DEPDC5: variants seen among roughly 807,000 people sequenced by gnomAD.
DEPDC5 encodes DEP domain containing 5, GATOR1 subcomplex subunit.
A neutral mutation model predicts 217.3 loss-of-function variants in DEPDC5; 73 were observed. That is an observed-to-expected ratio of 0.34 (90% CI 0.28 to 0.41). DEPDC5 has a LOEUF of 0.41. DEPDC5 is among the 10% of genes least tolerant of loss of function. The pLI is 1.00. For missense variants in DEPDC5, 1,675 were observed against 2,070.1 expected (o/e 0.81, Z 3.70); for synonymous variants, 733 against 756.7 (o/e 0.97, Z 0.51).
At chr22:31,771,131 A>G (rs867457928) in intron 7 of DEPDC5, among the ~76,000 whole-genome samples, 48 of 152,150 alleles carry the variant, frequency 3.2e-4, no homozygotes, top group African/African-American at 1.1e-3. Flanking sequence ...GATTGTTGTA[A>G]GATGGTGATT....
intron 38 of DEPDC5, among the ~76,000 whole-genome samples, chr22:31,883,146 TA>T (rs1407990018): frequency 1.3e-5 from 2 of 152,136 alleles, no homozygotes; most frequent in African/African-American, 4.8e-5. Context: ...CCCAGTGTGA[TA>T]AAATGTCTCC....
intron 24 of DEPDC5, among the ~76,000 whole-genome samples, chr22:31,824,482 G>T (rs1308209046): frequency 3.3e-5 from 5 of 152,178 alleles, no homozygotes; most frequent in African/African-American, 1.2e-4. Context: ...AATCTGGGTT[G>T]GCAGTAAGAG....
At chr22:31,813,989 C>T (rs2088765370) in intron 20 of DEPDC5, 1 of 151,974 alleles carries the variant, frequency 6.6e-6, no homozygotes, top group Admixed American at 6.6e-5. Flanking sequence ...GAAAAAAGTA[C>T]CCAGGCGTGG....
intron 7 of DEPDC5, chr22:31,769,069 G>A (rs191198537): frequency 6.8e-5 from 28 of 411,634 alleles, no homozygotes; most frequent in African/African-American, 5.4e-4. Context: ...GACCATACTG[G>A]CTAACACGGT....
At chr22:31,828,484 G>T (rs1455068312) in intron 24 of DEPDC5, among the ~76,000 whole-genome samples, 3 of 150,344 alleles carry the variant, frequency 2.0e-5, no homozygotes, top group African/African-American at 7.3e-5. Context: ...ACAGTTCCTG[G>T]CACATAATAG....
At chr22:31,904,614 G>A (rs1411537578) in intron 41 of DEPDC5, among the ~76,000 whole-genome samples, 11 of 152,184 alleles carry the variant, frequency 7.2e-5, no homozygotes, top group South Asian at 6.2e-4. Context: ...ATGGTGGCGC[G>A]TGCCTGTAAT....
chr22:31,789,188 C>T (rs1236875965), intron 10 of DEPDC5, among the ~76,000 whole-genome samples: 4 of 152,246 alleles, frequency 2.6e-5, no homozygotes, highest in African/African-American at 9.6e-5. Flanking sequence ...AGCCCGTATT[C>T]TTGACAGCAT....
At chr22:31,881,341 G>T (rs938715328) in intron 38 of DEPDC5, among the ~76,000 whole-genome samples, 7 of 152,028 alleles carry the variant, frequency 4.6e-5, no homozygotes, top group African/African-American at 1.7e-4. Context: ...TTGGATCTGG[G>T]TGTGGCTCAC....
At chr22:31,828,248 C>T (rs1463408855) in intron 24 of DEPDC5, among the ~76,000 whole-genome samples, 12 of 152,054 alleles carry the variant, frequency 7.9e-5, no homozygotes, top group East Asian at 3.9e-4. Flanking sequence ...GTCGGGAGTT[C>T]GAGACCAGCC....
intron 7 of DEPDC5, among the ~76,000 whole-genome samples, chr22:31,775,566 G>T: frequency 6.6e-6 from 1 of 152,112 alleles, no homozygotes; most frequent in Non-Finnish European, 1.5e-5. Flanking sequence ...GGCTTGAGGT[G>T]GTTGGTTGAG....
chr22:31,865,041 G>A (rs1376090669), intron 33 of DEPDC5, among the ~76,000 whole-genome samples: 1 of 141,428 alleles, frequency 7.1e-6, no homozygotes, highest in Non-Finnish European at 1.5e-5. Flanking sequence ...GGCCACGCTG[G>A]TCTCGAACTC....
In DEPDC5 at chr22:31,874,340, G is replaced by A. The variant is rs2092933179; in HGVS notation, c.3631G>A (p.Val1211Ile). ...GTACTGCTTCATCAGCGCGGAGGTG[G>A]TACACTGGTTGGTGAACCACGTGGA... ...SPYCFISAEV[V>I]HWLVNHVEGI... The change falls in exon 36 of 43, where the codon GTA (valine) becomes ATA (isoleucine). Residue 1211 changes from valine (V) to isoleucine (I), a missense_variant. Transcript: ENST00000651528. 6.8e-6 allele frequency: 11 copies of A among 1,611,096 alleles called. No individual in the cohort carries two copies. Among genetic ancestry groups the A allele is most frequent in the Non-Finnish European group, 9.3e-6 (11 of 1,178,786 alleles).
intron 7 of DEPDC5, among the ~76,000 whole-genome samples, chr22:31,772,973 G>T (rs550658882): frequency 6.6e-6 from 1 of 151,844 alleles, no homozygotes; most frequent in Non-Finnish European, 1.5e-5. Flanking sequence ...GTAGACACGG[G>T]GTCTTGCCAT....
intron 24 of DEPDC5, among the ~76,000 whole-genome samples, chr22:31,823,903 C>G (rs973579632): frequency 6.6e-6 from 1 of 152,088 alleles, no homozygotes; most frequent in Non-Finnish European, 1.5e-5. Flanking sequence ...GTAACATGAG[C>G]TTGGATCAGT....
intron 8 of DEPDC5, among the ~76,000 whole-genome samples, chr22:31,779,225 G>A (rs1400067467): frequency 6.6e-6 from 1 of 152,126 alleles, no homozygotes. Context: ...ACCACTCCAT[G>A]AACTTCATTT....
intron 2 of DEPDC5, among the ~76,000 whole-genome samples, chr22:31,756,583 G>A (rs1303080081): frequency 6.6e-6 from 1 of 152,186 alleles, no homozygotes; most frequent in East Asian, 1.9e-4. Context: ...AAATACAAAG[G>A]TAGTTAGATG....
chr22:31,874,142 G>T, intron 35 of DEPDC5, 131 bp from the exon 36 acceptor site: 1 of 1,356,678 alleles, frequency 7.4e-7, no homozygotes, highest in Non-Finnish European at 1.0e-6. Flanking sequence ...CTGAGTCTAG[G>T]AATAGCATAG....
intron 38 of DEPDC5, among the ~76,000 whole-genome samples, chr22:31,889,235 A>T (rs545570196): frequency 1.6e-4 from 25 of 152,346 alleles, no homozygotes; most frequent in African/African-American, 6.0e-4. Context: ...TAATGATTCT[A>T]TGAACTTACT....
chr22:31,788,621 T>C (rs2085287087), intron 10 of DEPDC5, among the ~76,000 whole-genome samples: 1 of 151,522 alleles, frequency 6.6e-6, no homozygotes, highest in African/African-American at 2.4e-5. Context: ...TTGCCCAGGC[T>C]GGAGTACAAT....
Sources: gnomAD v4.1 joint callset for allele counts (sites outside exome capture counted in the v4.1 genomes callset) on GRCh38, gnomAD v4.1.1 for gene constraint, MANE v1.5 for transcripts, NCBI Gene and HGNC (gene_info 2026-07-23, HGNC 2026-07-21) for gene names.